The following GRHL1 variants were observed in gnomAD, a reference collection of about 807,000 sequenced individuals.
GRHL1 encodes grainyhead-like protein 1 homolog.
GRHL1 carries 38 observed loss-of-function variants against 75.7 expected under a neutral mutation model. The ratio of observed to expected loss-of-function variants is 0.50; its 90% CI spans 0.39 to 0.66. GRHL1 has a LOEUF of 0.66. GRHL1 is among the 30% of genes least tolerant of loss of function. GRHL1 has a pLI of 0.00. For synonymous variants in GRHL1, 266 were observed against 279.4 expected (o/e 0.95, Z 0.48); for missense variants, 589 against 767.5 (o/e 0.77, Z 2.75).
chr2:9,995,858 G>C (rs761881960), intron 12 of GRHL1, 21 bp from the exon 13 acceptor site: 2 of 1,431,348 alleles, frequency 1.4e-6, no homozygotes, highest in Non-Finnish European at 2.0e-6. Context: ...ATCACTAACG[G>C]CATATTTTGG....
At chr2:9,956,033 A>C (rs1486722919) in intron 2 of GRHL1, among the ~76,000 whole-genome samples, 1 of 152,224 alleles carries the variant, frequency 6.6e-6, no homozygotes, top group African/African-American at 2.4e-5. Flanking sequence ...TAAAAACAGG[A>C]TCTGTTTGGG....
At position 9,990,840 on chromosome 2, in the gene GRHL1, G is replaced by T; in HGVS notation, c.1321+93G>T. 1 of 988,866 alleles carries T rather than the reference G, an allele frequency of 1.0e-6. No homozygotes were observed. The highest frequency in any genetic ancestry group is 1.5e-5 in the South Asian group (1 of 68,498). 61.3% of individuals were successfully genotyped at this position (988,866 alleles called of 1,614,324 possible). A position where few individuals can be genotyped will look rare whatever the true frequency, so the allele number is the denominator to read the frequency against. The stretch of plus-strand genomic sequence containing the variant: ...CCTTTTCCATTGAGAATGGTGGCTG[G>T]AGTTTGCACGCAGAAGACAGTGGGT... On this transcript the variant is annotated intron_variant, in intron 10 of 15. Transcript: ENST00000324907. This position sits in a 1 kb window ranked among gnomAD's most constrained non-coding sequence, Gnocchi z 4.2.
chr2:9,960,771 T>G, intron 3 of GRHL1: 1 of 348,130 alleles, frequency 2.9e-6, no homozygotes, highest in Admixed American at 4.3e-5. Context: ...AACACAGTAA[T>G]TGTTTTTAGG....
chr2:9,981,912 C>CTG (rs1668213691), intron 8 of GRHL1, among the ~76,000 whole-genome samples: 1 of 152,220 alleles, frequency 6.6e-6, no homozygotes, highest in Non-Finnish European at 1.5e-5. Context: ...CAGCCTTCAG[C>CTG]TGAACACACA....
rs1241600493 is a variant in GRHL1 at position 9,987,161 on chromosome 2, CAG to C, written c.1269+880_1269+881del. On this transcript the variant is annotated intron_variant, in intron 9 of 15. Coordinates refer to ENST00000324907, the MANE Select transcript of GRHL1 (RefSeq NM_198182.3). This position sits in a 1 kb window ranked among gnomAD's most constrained non-coding sequence, Gnocchi z 4.2. ...CACCTGGCTAATTTTTGTATAGAAACAGGGTTTCGCCAGGTTGGCCAGGCTGG... is the reference window on the plus strand; with the variant it reads ...CACCTGGCTAATTTTTGTATAGAAACGGTTTCGCCAGGTTGGCCAGGCTGG... 6.6e-6 allele frequency among the ~76,000 whole-genome samples: 1 copy of C among 151,974 alleles called. No individual in the cohort carries two copies. Among genetic ancestry groups the C allele is most frequent in the Non-Finnish European group, 1.5e-5 (1 of 67,960 alleles).
At chr2:9,975,613 C>T (rs1359853521) in intron 8 of GRHL1, among the ~76,000 whole-genome samples, 1 of 152,056 alleles carries the variant, frequency 6.6e-6, no homozygotes, top group African/African-American at 2.4e-5. Context: ...CGCGGTGGCT[C>T]TTGCCGGTAA....
At position 10,001,370 on chromosome 2, in the gene GRHL1, A is replaced by C. The variant is rs1669262496; in HGVS notation, c.*663A>C. 1 of 152,790 alleles carries C rather than the reference A, an allele frequency of 6.5e-6. No individual in the cohort carries two copies. Among genetic ancestry groups the C allele is most frequent in the East Asian group, 1.9e-4 (1 of 5,196 alleles). 9.5% of individuals were successfully genotyped at this position (152,790 alleles called of 1,614,324 possible). A position where few individuals can be genotyped will look rare whatever the true frequency, so the allele number is the denominator to read the frequency against. ...ATAAAGCTGCATTGTATATAAGTGC[A>C]ATATATTTTTGAAGGTCTGTAAATG... On this transcript the variant is annotated 3_prime_UTR_variant, in exon 16 of 16. Transcript: ENST00000324907.
In GRHL1 at chr2:9,961,278, C is replaced by G; in HGVS notation, c.511C>G (p.Pro171Ala). The change falls in exon 4 of 16, where the codon CCC (proline) becomes GCC (alanine). Residue 171 changes from proline to alanine, a missense_variant. Pro to Ala is a conservative substitution (Grantham distance 27, BLOSUM62 -1). Coordinates refer to ENST00000324907, the MANE Select transcript of GRHL1 (RefSeq NM_198182.3). ...GCCACATGGCTTCGCTGTGGGAATCCCCCCAGCAGTGTATCATCCTGAGCC... is the reference window on the plus strand; with the variant it reads ...GCCACATGGCTTCGCTGTGGGAATCGCCCCAGCAGTGTATCATCCTGAGCC... Reference protein sequence around the residue: ...TQPHGFAVGIPPAVYHPEPTE... With the variant: ...TQPHGFAVGIAPAVYHPEPTE... 6.2e-7 allele frequency: 1 copy of G among 1,614,130 alleles called. No homozygotes were observed. Among genetic ancestry groups the G allele is most frequent in the Non-Finnish European group, 8.5e-7 (1 of 1,180,014 alleles).
chr2:9,986,512 G>A (rs1200201459), intron 9 of GRHL1, among the ~76,000 whole-genome samples: 4 of 152,006 alleles, frequency 2.6e-5, no homozygotes, highest in African/African-American at 4.8e-5. Context: ...TGCCTTCTGG[G>A]TTCAAGCAAT....
At chr2:9,973,239 C>T (rs1667808269) in intron 8 of GRHL1, among the ~76,000 whole-genome samples, 1 of 152,172 alleles carries the variant, frequency 6.6e-6, no homozygotes, top group African/African-American at 2.4e-5. Flanking sequence ...ACCATCAGAG[C>T]AGGCGTGTTG....
At chr2:9,961,553 A>G (rs1017574310) in intron 4 of GRHL1, 117 bp downstream of exon 4, 1 of 989,564 alleles carries the variant, frequency 1.0e-6, no homozygotes, top group Non-Finnish European at 1.4e-6. Context: ...ATTAGGAATA[A>G]AAGATTTTTT....
intron 8 of GRHL1, among the ~76,000 whole-genome samples, chr2:9,972,160 C>A (rs1667752579): frequency 6.6e-6 from 1 of 151,288 alleles, no homozygotes; most frequent in African/African-American, 2.4e-5. Context: ...TCTATGTAGC[C>A]TGCATCTGGG....
intron 10 of GRHL1, among the ~76,000 whole-genome samples, chr2:9,991,310 G>A (rs79167966): frequency 8.3e-4 from 126 of 152,216 alleles, no homozygotes; most frequent in Non-Finnish European, 1.7e-3. Context: ...TTCTGTGCCT[G>A]TAGGGTTCCA....
intron 2 of GRHL1, among the ~76,000 whole-genome samples, chr2:9,958,353 A>T (rs1667125938): frequency 1.3e-5 from 2 of 151,618 alleles, no homozygotes; most frequent in African/African-American, 2.4e-5. Flanking sequence ...TAATTTTAAA[A>T]TTTTTTTTGT....
chr2:9,954,841 C>A, intron 1 of GRHL1, 74 bp from the exon 2 acceptor site: 1 of 1,209,370 alleles, frequency 8.3e-7, no homozygotes, highest in South Asian at 1.2e-5. Context: ...ATAGGAATGT[C>A]AAGGAATTGG....
chr2:9,959,057 G>A, intron 3 of GRHL1: 2 of 601,094 alleles, frequency 3.3e-6, no homozygotes, highest in Non-Finnish European at 5.1e-6. Flanking sequence ...CGTAGTAGTT[G>A]CCTTTTCTAG....
chr2:9,973,773 G>A (rs11683802), intron 8 of GRHL1, among the ~76,000 whole-genome samples: 2,285 of 152,140 alleles, frequency 0.015, 67 homozygotes, highest in African/African-American at 0.052. Flanking sequence ...ATGATATGTC[G>A]GAATTTGACT....
chr2:9,964,073 G>A (rs772853942), intron 6 of GRHL1, 31 bp downstream of exon 6: 2 of 1,599,938 alleles, frequency 1.3e-6, no homozygotes, highest in East Asian at 2.2e-5. Flanking sequence ...TGTTCTCTAG[G>A]AAAGCTAGTC....
At position 9,995,675 on chromosome 2, in the gene GRHL1, G is replaced by T. The variant is rs142658721; in HGVS notation, c.1500-204G>T. 7.3e-3 allele frequency among the ~76,000 whole-genome samples: 1,108 copies of T among 152,234 alleles called. 7 individuals carry two copies. Among genetic ancestry groups the T allele is most frequent in the African/African-American group, 0.025 (1,023 of 41,538 alleles). ...GATACCTGCAGGGAACCTGAGTGTG[G>T]TCCCATGTCTGCCTGTAAATATCCA... On this transcript the variant is annotated intron_variant, in intron 12 of 15. Transcript: ENST00000324907.
Sources: allele counts gnomAD v4.1 joint callset (sites outside exome capture counted in the v4.1 genomes callset), GRCh38; gene constraint gnomAD v4.1.1; non-coding constraint Gnocchi (gnomAD v3.1); transcripts MANE v1.5; gene names NCBI Gene and HGNC (gene_info 2026-07-23, HGNC 2026-07-21).